TCERG1: variants seen among roughly 807,000 people sequenced by gnomAD.
The protein encoded by TCERG1 is transcription elongation regulator 1.
Under a neutral mutation model 144.7 loss-of-function variants are expected in TCERG1, and 37 were observed. The observed-to-expected ratio is 0.26, with a 90% CI of 0.20 to 0.34. The LOEUF (loss-of-function observed/expected upper bound fraction) is 0.34. Among genes scored for constraint, TCERG1 ranks in the 10% least tolerant of loss-of-function variants. The probability of loss-of-function intolerance (pLI) is 1.00; values close to 1 mark genes in which losing one functional copy is unlikely to be tolerated. For missense variants in TCERG1, 1,027 were observed against 1,380.7 expected, an observed-to-expected ratio of 0.74 and a Z score of 4.06; for synonymous variants, 492 against 458.2, an observed-to-expected ratio of 1.07 and a Z score of -0.94.
chr5:146,497,825 A>G (rs1334738138), intron 16 of TCERG1, among the ~76,000 whole-genome samples: 1 of 151,546 alleles, frequency 6.6e-6, no homozygotes, highest in Non-Finnish European at 1.5e-5. Flanking sequence ...AATACTACTG[A>G]CTCTCTGTTA....
At chr5:146,509,378 T>G in intron 22 of TCERG1, 133 bp downstream of exon 22, 1 of 595,660 alleles carries the variant, frequency 1.7e-6, no homozygotes, top group Non-Finnish European at 2.9e-6. Flanking sequence ...TACCAACTTC[T>G]GTCCAAAGTC....
At chr5:146,459,605 A>G (rs1204672869) in intron 4 of TCERG1, among the ~76,000 whole-genome samples, 1 of 152,238 alleles carries the variant, frequency 6.6e-6, no homozygotes, top group East Asian at 1.9e-4. Flanking sequence ...AATGCCGGGC[A>G]TTGTGGGTTT....
chr5:146,453,618 T>G (rs1228461106), intron 1 of TCERG1, among the ~76,000 whole-genome samples: 1 of 152,212 alleles, frequency 6.6e-6, no homozygotes, highest in Admixed American at 6.5e-5. Context: ...CTCCTGTTAG[T>G]ACAGAATCCA....
rs748644334 is a variant in TCERG1 at position 146,455,297 on chromosome 5, G to T, written c.285+16G>T. Reference sequence around the variant, plus strand: ...ACACCTCCAGGTAAAGAATGTAGAGGTTGCCATTTCTTTGTTGGCATCATT... The same window carrying T: ...ACACCTCCAGGTAAAGAATGTAGAGTTTGCCATTTCTTTGTTGGCATCATT... On this transcript the variant is annotated intron_variant, in intron 2 of 22. Coordinates refer to ENST00000679501, the MANE Select transcript of TCERG1 (RefSeq NM_001382548.1). 1.2e-6 allele frequency: 2 copies of T among 1,612,490 alleles called. No homozygotes were observed. Among genetic ancestry groups the T allele is most frequent in the Non-Finnish European group, 1.7e-6 (2 of 1,178,908 alleles).
At chr5:146,464,565 G>T (rs1763611245) in intron 5 of TCERG1, among the ~76,000 whole-genome samples, 1 of 152,160 alleles carries the variant, frequency 6.6e-6, no homozygotes, top group East Asian at 1.9e-4. Context: ...TTACCATAGG[G>T]TTTAAAAATG....
chr5:146,459,370 G>A (rs371911957), intron 4 of TCERG1, 33 bp downstream of exon 4: 2 of 1,594,672 alleles, frequency 1.3e-6, no homozygotes, highest in Non-Finnish European at 8.6e-7. Flanking sequence ...TTTTATATAG[G>A]GGCTAGAGAC....
intron 4 of TCERG1, among the ~76,000 whole-genome samples, chr5:146,461,864 A>G (rs1328182309): frequency 2.0e-5 from 3 of 152,206 alleles, no homozygotes; most frequent in African/African-American, 7.2e-5. Flanking sequence ...CCTACTTCTC[A>G]GGGAAGTTGG....
chr5:146,475,035 G>A (rs999922549), intron 9 of TCERG1, among the ~76,000 whole-genome samples: 3 of 151,856 alleles, frequency 2.0e-5, no homozygotes. Flanking sequence ...CCACATCTGT[G>A]CTTCATTTCC....
At position 146,507,561 on chromosome 5, in the gene TCERG1, G is replaced by A. The variant is rs1768116350; in HGVS notation, c.2962-312G>A. The A allele has an allele frequency of 6.1e-6, 2 of 325,720 alleles. No individual in the cohort carries two copies. Among genetic ancestry groups the A allele is most frequent in the Non-Finnish European group, 1.1e-5 (2 of 181,344 alleles). 20.2% of individuals were successfully genotyped at this position (325,720 alleles called of 1,614,324 possible). On this transcript the variant is annotated intron_variant, in intron 20 of 22. Transcript: ENST00000679501. This position sits in a 1 kb window ranked among gnomAD's most constrained non-coding sequence, Gnocchi z 4.6. ...TTGTACGCTTTGTTATCCAGGTTTT[G>A]TTCCTTTTTATTTGCTCTCTTTTTG...
chr5:146,505,347 G>T (rs1767880502), intron 19 of TCERG1, among the ~76,000 whole-genome samples: 1 of 152,268 alleles, frequency 6.6e-6, no homozygotes, highest in African/African-American at 2.4e-5. Context: ...TCACTCCCCT[G>T]GTTACTTGCA....
Position 146,504,012 on chromosome 5 carries a change from C to T in TCERG1, c.2781+6C>T, listed in dbSNP as rs374233925. Reference sequence around the variant, plus strand: ...AAGCTCTTCTGTCTGACATGGTATACGTTAATCTTTTACTTTTTTTCTCTA... The same window carrying T: ...AAGCTCTTCTGTCTGACATGGTATATGTTAATCTTTTACTTTTTTTCTCTA... On this transcript the variant is annotated splice_donor_region_variant and intron_variant, in intron 19 of 22. Coordinates refer to ENST00000679501, the MANE Select transcript of TCERG1 (RefSeq NM_001382548.1). 1.1e-4 allele frequency: 172 copies of T among 1,513,054 alleles called. 2 individuals are homozygous for T. The Middle Eastern group carries it at 3.4e-3, about 30-fold the overall frequency. 93.7% of individuals were successfully genotyped at this position (1,513,054 alleles called of 1,614,324 possible). A position where few individuals can be genotyped will look rare whatever the true frequency, so the allele number is the denominator to read the frequency against.
chr5:146,471,005 T>C (rs759452016), intron 8 of TCERG1, among the ~76,000 whole-genome samples: 3 of 152,256 alleles, frequency 2.0e-5, no homozygotes, highest in Non-Finnish European at 4.4e-5. Flanking sequence ...TTCTGACTTA[T>C]AAACTGAGTG....
chr5:146,480,571 A>G (rs1765263971), intron 12 of TCERG1: 1 of 153,718 alleles, frequency 6.5e-6, no homozygotes, highest in African/African-American at 2.4e-5. Flanking sequence ...GCTAAGAAGT[A>G]GAGGCATTAG....
At chr5:146,500,866 G>A (rs1313453489) in intron 17 of TCERG1, among the ~76,000 whole-genome samples, 3 of 152,158 alleles carry the variant, frequency 2.0e-5, no homozygotes, top group East Asian at 1.9e-4. Context: ...AAAATAGCTG[G>A]TTGTAGTGAT....
intron 22 of TCERG1, chr5:146,510,072 T>C: frequency 7.7e-7 from 1 of 1,293,492 alleles, no homozygotes; most frequent in South Asian, 1.2e-5. Context: ...TATAGTTAAT[T>C]TAGTGAAAGA....
At chr5:146,498,735 G>T (rs1296859075) in intron 17 of TCERG1, 49 bp downstream of exon 17, 1 of 1,572,910 alleles carries the variant, frequency 6.4e-7, no homozygotes, top group East Asian at 2.3e-5. Flanking sequence ...GTGTGAATGG[G>T]AAAGGTCTAT....
At position 146,478,387 on chromosome 5, in the gene TCERG1, C is replaced by T. The variant is rs912127955; in HGVS notation, c.1602-106C>T. 17 of 1,147,214 alleles carry T rather than the reference C, an allele frequency of 1.5e-5. No homozygotes were observed. The South Asian group carries it at 1.6e-4, about 11-fold the overall frequency. The allele number at this position is 1,147,214 out of a possible 1,614,324, so 71.1% of individuals were successfully genotyped here. ...ATAACTATTGGTAATAAGAACATGT[C>T]GTTCTTCAGTACCCTCATCTCCCTA... On this transcript the variant is annotated intron_variant, in intron 9 of 22. Transcript: ENST00000679501.
intron 4 of TCERG1, among the ~76,000 whole-genome samples, chr5:146,462,906 A>G (rs17104665): frequency 0.095 from 14,521 of 152,240 alleles, 874 homozygotes; most frequent in African/African-American, 0.16. Flanking sequence ...TTAATAGTAA[A>G]ATGTGAAAGA....
In TCERG1 at chr5:146,507,263, T is replaced by C; in HGVS notation, c.2961+56T>C. The C allele has an allele frequency of 1.4e-6, 2 of 1,469,710 alleles. No individual in the cohort carries two copies. The highest frequency in any genetic ancestry group is 1.5e-5 in the South Asian group (1 of 67,798). The allele number at this position is 1,469,710 out of a possible 1,614,324, so 91.0% of individuals were successfully genotyped here. A position where few individuals can be genotyped will look rare whatever the true frequency, so the allele number is the denominator to read the frequency against. Reference sequence around the variant, plus strand: ...CTGGATGAATCTTGTTAGTAATTTCTTAAAGCAAAGCATTGATATGATTTT... The same window carrying C: ...CTGGATGAATCTTGTTAGTAATTTCCTAAAGCAAAGCATTGATATGATTTT... On this transcript the variant is annotated intron_variant, in intron 20 of 22. Transcript: ENST00000679501. This position sits in a 1 kb window ranked among gnomAD's most constrained non-coding sequence, Gnocchi z 4.6.
Sources: allele counts gnomAD v4.1 joint callset (sites outside exome capture counted in the v4.1 genomes callset), GRCh38; gene constraint gnomAD v4.1.1; non-coding constraint Gnocchi (gnomAD v3.1); transcripts MANE v1.5; gene names NCBI Gene and HGNC (gene_info 2026-07-23, HGNC 2026-07-21).